Variants in PCSK6 observed in about 807,000 individuals in gnomAD.
PCSK6 encodes the protein proprotein convertase subtilisin/kexin type 6.
In PCSK6, 85 loss-of-function variants were observed where a neutral mutation model predicts 123.3. The observed-to-expected ratio is 0.69, with a 90% confidence interval of 0.58 to 0.83. PCSK6 has a LOEUF of 0.83. Among genes scored for constraint, PCSK6 ranks in the 40% least tolerant of loss-of-function variants. PCSK6 has a pLI of 0.00. For missense variants in PCSK6, 1,191 were observed against 1,282.3 expected, an observed-to-expected ratio of 0.93 and a Z score of 1.09; for synonymous variants, 508 against 516.0, an observed-to-expected ratio of 0.98 and a Z score of 0.21.
At chr15:101,378,464 A>G (rs2041815362) in intron 11 of PCSK6, among the ~76,000 whole-genome samples, 1 of 152,236 alleles carries the variant, frequency 6.6e-6, no homozygotes, top group Admixed American at 6.5e-5. Context: ...TCGCCTCTGC[A>G]TTTAGCTTTA....
chr15:101,462,641 A>G (rs913755282), intron 1 of PCSK6, among the ~76,000 whole-genome samples: 1 of 152,234 alleles, frequency 6.6e-6, no homozygotes, highest in Non-Finnish European at 1.5e-5. Context: ...TACTGATAGA[A>G]TATCAGTGTT....
At position 101,489,466 on chromosome 15, in the gene PCSK6, CG is replaced by C; in HGVS notation, c.204del (p.Val69SerfsTer52). 1.8e-6 allele frequency: 2 copies of C among 1,106,070 alleles called. No individual in the cohort carries two copies. Among genetic ancestry groups the C allele is most frequent in the Non-Finnish European group, 2.2e-6 (2 of 907,480 alleles). The allele number at this position is 1,106,070 out of a possible 1,614,324, so 68.5% of individuals were successfully genotyped here. A position where few individuals can be genotyped will look rare whatever the true frequency, so the allele number is the denominator to read the frequency against. ...TGCACCGCCCAGTGGTTGGTGTAGA[CG>C]GGGCGCGGCGGGGGCGCGGAGCAGG... Reference protein sequence around the residue: ...PAACSAPPPRPVYTNHWAVQV... With the variant: ...PAACSAPPPRXVYTNHWAVQV... On this transcript the variant is annotated frameshift_variant, in exon 1 of 22. Transcript: ENST00000611716. LOFTEE classifies it high-confidence loss of function.
chr15:101,471,364 T>C (rs1351530844), intron 1 of PCSK6, among the ~76,000 whole-genome samples: 1 of 152,250 alleles, frequency 6.6e-6, no homozygotes, highest in East Asian at 1.9e-4. Context: ...AATACCTTTC[T>C]CCCAACATCT....
At chr15:101,485,950 TATTTAA>T (rs1438200770) in intron 1 of PCSK6, among the ~76,000 whole-genome samples, 4 of 150,992 alleles carry the variant, frequency 2.6e-5, no homozygotes, top group African/African-American at 9.8e-5. Context: ...TCTCTCCATT[TATTTAA>T]ATTTTTTTTT....
At chr15:101,387,368 G>T (rs1433207715) in intron 9 of PCSK6, among the ~76,000 whole-genome samples, 1 of 152,202 alleles carries the variant, frequency 6.6e-6, no homozygotes, top group Non-Finnish European at 1.5e-5. Context: ...CTGTGTGTCA[G>T]CAGGGCGTAC....
chr15:101,324,138 C>T (rs542635827), intron 17 of PCSK6, among the ~76,000 whole-genome samples: 1 of 152,330 alleles, frequency 6.6e-6, no homozygotes, highest in Admixed American at 6.5e-5. Flanking sequence ...TGGCCTTTGC[C>T]CCTGCTCAGC....
intron 13 of PCSK6, among the ~76,000 whole-genome samples, chr15:101,354,413 T>C (rs1029930658): frequency 6.6e-6 from 1 of 152,192 alleles, no homozygotes; most frequent in African/African-American, 2.4e-5. Context: ...TAGAGCACCT[T>C]CAGTCAAACG....
At chr15:101,377,379 T>C (rs1054606099) in intron 11 of PCSK6, among the ~76,000 whole-genome samples, 4 of 152,046 alleles carry the variant, frequency 2.6e-5, no homozygotes, top group African/African-American at 9.7e-5. Flanking sequence ...AGCTCCTACC[T>C]AGGGGGGCAA....
chr15:101,377,349 C>T (rs553696229), intron 11 of PCSK6, among the ~76,000 whole-genome samples: 1 of 152,312 alleles, frequency 6.6e-6, no homozygotes, highest in South Asian at 2.1e-4. Flanking sequence ...AGGTCGCTCT[C>T]ATTGGCTCAG....
chr15:101,427,053 C>A (rs1313126641), intron 6 of PCSK6, among the ~76,000 whole-genome samples: 1 of 152,214 alleles, frequency 6.6e-6, no homozygotes, highest in Non-Finnish European at 1.5e-5. Flanking sequence ...CCTAGAGGGG[C>A]CTTCAGAGCA....
chr15:101,366,311 T>C lies in PCSK6; in HGVS notation c.1743A>G (p.Glu581=). ...LAKRLLDLSN[E]GFTNWEFMTV... Reference sequence around the variant, plus strand: ...TCATGAATTCCCAGTTTGTAAACCCTTCATTGGAAAGATCCAGCAACCTGC... The same window carrying C: ...TCATGAATTCCCAGTTTGTAAACCCCTCATTGGAAAGATCCAGCAACCTGC... Residue 581 remains glutamate, a synonymous_variant, in exon 13 of 22, where the codon GAA becomes GAG. Transcript: ENST00000611716. The C allele has an allele frequency of 2.5e-6, 4 of 1,612,856 alleles. No individual in the cohort carries two copies. Among genetic ancestry groups the C allele is most frequent in the Non-Finnish European group, 3.4e-6 (4 of 1,179,410 alleles).
intron 6 of PCSK6, among the ~76,000 whole-genome samples, chr15:101,403,360 A>T (rs1297596018): frequency 1.3e-4 from 20 of 151,522 alleles, no homozygotes; most frequent in Non-Finnish European, 2.7e-4. Context: ...AGCATGGCAC[A>T]TGTACACATA....
intron 7 of PCSK6, among the ~76,000 whole-genome samples, chr15:101,394,713 C>T (rs1392552639): frequency 6.6e-6 from 1 of 152,254 alleles, no homozygotes; most frequent in African/African-American, 2.4e-5. Flanking sequence ...AAACATGTCA[C>T]ACTCACTTTT....
rs199661913 is a variant in PCSK6 at position 101,398,883 on chromosome 15, CTATTAT to C, written c.824-313_824-308del. Among the ~76,000 whole-genome samples the C allele has an allele frequency of 1.3e-5, 2 of 150,594 alleles. No homozygotes were observed. Among genetic ancestry groups the C allele is most frequent in the African/African-American group, 2.5e-5 (1 of 40,766 alleles). ...TGTTTTTTATTTTAAAAAACAAGAC[CTATTAT>C]TATTATTATTATTATTTATTATTAT... On this transcript the variant is annotated intron_variant, in intron 6 of 21. Coordinates refer to ENST00000611716, the MANE Select transcript of PCSK6 (RefSeq NM_002570.5). This position sits in a 1 kb window ranked among gnomAD's most constrained non-coding sequence, Gnocchi z 4.6.
chr15:101,385,693 T>C (rs909328746), intron 9 of PCSK6, among the ~76,000 whole-genome samples: 1 of 152,214 alleles, frequency 6.6e-6, no homozygotes, highest in African/African-American at 2.4e-5. Context: ...TTCTAATCAG[T>C]ATTAAATGCT....
chr15:101,348,864 T>A (rs905518291), intron 13 of PCSK6, among the ~76,000 whole-genome samples: 1 of 152,148 alleles, frequency 6.6e-6, no homozygotes, highest in African/African-American at 2.4e-5. Context: ...CCAAATCCCG[T>A]TCAGGAGCTC....
intron 20 of PCSK6, among the ~76,000 whole-genome samples, chr15:101,309,664 T>G (rs1414798685): frequency 1.3e-5 from 2 of 152,234 alleles, no homozygotes; most frequent in Admixed American, 1.3e-4. Context: ...CCCTTCAAGC[T>G]GTGCCCCTGG....
Position 101,488,576 on chromosome 15 carries a change from C to T in PCSK6, c.297+798G>A, listed in dbSNP as rs577251087. Among the ~76,000 whole-genome samples the T allele has an allele frequency of 1.2e-4, 18 of 152,244 alleles. No individual in the cohort carries two copies. The South Asian group carries it at 3.7e-3, about 32-fold the overall frequency. On this transcript the variant is annotated intron_variant, in intron 1 of 21. Coordinates refer to ENST00000611716, the MANE Select transcript of PCSK6 (RefSeq NM_002570.5). ...GTGGCAACGCAGCATTAGATCTTTC[C>T]GACAACCCAGCGGTGTAGACATTGC...
At chr15:101,479,564 G>A (rs886807839) in intron 1 of PCSK6, among the ~76,000 whole-genome samples, 3 of 152,154 alleles carry the variant, frequency 2.0e-5, no homozygotes, top group African/African-American at 4.8e-5. Flanking sequence ...GAGGCTGGTC[G>A]GACAGGGCTG....
Sources: allele counts gnomAD v4.1 joint callset (sites outside exome capture counted in the v4.1 genomes callset), GRCh38; gene constraint gnomAD v4.1.1; non-coding constraint Gnocchi (gnomAD v3.1); transcripts MANE v1.5; gene names NCBI Gene and HGNC (gene_info 2026-07-23, HGNC 2026-07-21).